IL1RAPL2: variants seen among roughly 807,000 people sequenced by gnomAD.
IL1RAPL2 encodes X-linked interleukin-1 receptor accessory protein-like 2.
Under a neutral mutation model 44.1 loss-of-function variants are expected in IL1RAPL2, and 3 were observed. The ratio of observed to expected loss-of-function variants is 0.07; its 90% confidence interval spans 0.03 to 0.18. The LOEUF (loss-of-function observed/expected upper bound fraction) is 0.18. Ranked by LOEUF, IL1RAPL2 falls within the 10% of genes least tolerant of loss-of-function variation. The pLI is 1.00. For missense variants in IL1RAPL2, 391 were observed against 496.4 expected, an observed-to-expected ratio of 0.79 and a Z score of 2.02; for synonymous variants, 181 against 178.8, an observed-to-expected ratio of 1.01 and a Z score of -0.10.
chrX:105,663,322 C>T (rs2147848457), intron 6 of IL1RAPL2, among the ~76,000 whole-genome samples: 1 of 111,887 alleles, frequency 8.9e-6, no homozygotes, highest in South Asian at 3.7e-4. Flanking sequence ...AAATTAAAGA[C>T]ACTGTATCAA....
chrX:104,726,884 C>G (rs1297899619), intron 2 of IL1RAPL2, among the ~76,000 whole-genome samples: 1 of 109,780 alleles, frequency 9.1e-6, no homozygotes, highest in Non-Finnish European at 1.9e-5. Context: ...ACTGTTTTGG[C>G]TATTAGGGCT....
chrX:105,660,714 TA>T (rs1279090411), intron 6 of IL1RAPL2, among the ~76,000 whole-genome samples: 6 of 111,227 alleles, frequency 5.4e-5, no homozygotes, highest in Admixed American at 1.9e-4. Context: ...TTATCAGTTT[TA>T]AATAACAGGG....
At chrX:104,697,382 G>C (rs1931199502) in intron 2 of IL1RAPL2, among the ~76,000 whole-genome samples, 1 of 112,364 alleles carries the variant, frequency 8.9e-6, no homozygotes, top group Non-Finnish European at 1.9e-5. Flanking sequence ...TATTCTTCAT[G>C]GTCTGTTGAA....
At position 105,243,751 on chromosome X, in the gene IL1RAPL2, A is replaced by T. The variant is rs929108154; in HGVS notation, c.543+9747A>T. 2.7e-5 allele frequency among the ~76,000 whole-genome samples: 3 copies of T among 109,731 alleles called. No individual in the cohort carries two copies. The Admixed American group carries it at 2.9e-4, about 11-fold the overall frequency. ...GGTAATGGGTGGAGCCCACTAAAGA[A>T]TAGGGCCAACAAAGCATGCATTGTA... On this transcript the variant is annotated intron_variant, in intron 4 of 10. Transcript: ENST00000372582.
intron 8 of IL1RAPL2, among the ~76,000 whole-genome samples, chrX:105,746,914 A>C (rs1312295116): frequency 8.9e-6 from 1 of 112,066 alleles, no homozygotes; most frequent in Non-Finnish European, 1.9e-5. Context: ...CTTTTGAATC[A>C]AGTCAATTAA....
At chrX:105,104,597 A>G (rs913921401) in intron 2 of IL1RAPL2, among the ~76,000 whole-genome samples, 3 of 111,791 alleles carry the variant, frequency 2.7e-5, no homozygotes, top group South Asian at 3.8e-4. Flanking sequence ...CAATGGTGCT[A>G]GGGGACCAGA....
intron 3 of IL1RAPL2, among the ~76,000 whole-genome samples, chrX:105,215,069 A>C (rs2033842615): frequency 8.9e-6 from 1 of 112,184 alleles, no homozygotes; most frequent in Non-Finnish European, 1.9e-5. Flanking sequence ...AGCAAGAGCA[A>C]ACAAATTCAA....
chrX:104,788,633 T>C (rs952902650), intron 2 of IL1RAPL2, among the ~76,000 whole-genome samples: 4 of 111,888 alleles, frequency 3.6e-5, no homozygotes, highest in Non-Finnish European at 7.5e-5. Context: ...TATTTGAAGT[T>C]TCTGATATAT....
intron 1 of IL1RAPL2, among the ~76,000 whole-genome samples, chrX:104,593,731 T>G (rs1256349147): frequency 8.9e-6 from 1 of 112,185 alleles, no homozygotes; most frequent in Admixed American, 9.5e-5. Flanking sequence ...AATTGAAATT[T>G]TCTTAGTTTA....
At chrX:104,800,045 A>G (rs868821302) in intron 2 of IL1RAPL2, among the ~76,000 whole-genome samples, 1 of 98,717 alleles carries the variant, frequency 1.0e-5, no homozygotes, top group South Asian at 4.7e-4. Context: ...GCTTATAGCC[A>G]CCCCCACCAC....
rs778835774 is a variant in IL1RAPL2 at position 105,245,028 on chromosome X, C to G, written c.543+11024C>G. 2.6e-3 allele frequency among the ~76,000 whole-genome samples: 294 copies of G among 111,701 alleles called. 1 individual carries two copies. The highest frequency in any genetic ancestry group is 8.9e-3 in the African/African-American group (273 of 30,789). On this transcript the variant is annotated intron_variant, in intron 4 of 10. Coordinates refer to ENST00000372582, the MANE Select transcript of IL1RAPL2 (RefSeq NM_017416.2). ...AGTATGCTATGGCCTGTTTACACCA[C>G]CACTTGTTATACTTGAAGATGTACA...
intron 5 of IL1RAPL2, among the ~76,000 whole-genome samples, chrX:105,421,180 C>T (rs889461377): frequency 9.0e-6 from 1 of 111,286 alleles, no homozygotes; most frequent in Non-Finnish European, 1.9e-5. Flanking sequence ...TGGGGGACAA[C>T]TAGAAGCAAA....
chrX:104,927,455 T>G (rs1333455378), intron 2 of IL1RAPL2, among the ~76,000 whole-genome samples: 1 of 111,850 alleles, frequency 8.9e-6, no homozygotes, highest in Non-Finnish European at 1.9e-5. Context: ...TGTCCAGTAT[T>G]TCATATGCAT....
At chrX:105,603,112 C>T (rs745532952) in intron 6 of IL1RAPL2, among the ~76,000 whole-genome samples, 5 of 109,636 alleles carry the variant, frequency 4.6e-5, no homozygotes, top group Non-Finnish European at 9.5e-5. Flanking sequence ...AAGAAAGGAA[C>T]GAAAGAAATG....
At chrX:105,221,909 G>T (rs2033968744) in intron 3 of IL1RAPL2, among the ~76,000 whole-genome samples, 1 of 111,724 alleles carries the variant, frequency 9.0e-6, no homozygotes, top group African/African-American at 3.3e-5. Flanking sequence ...TCTTGTTGCT[G>T]TGACCTCAGA....
chrX:105,065,175 G>A (rs2032122180), intron 2 of IL1RAPL2, among the ~76,000 whole-genome samples: 1 of 111,700 alleles, frequency 9.0e-6, no homozygotes, highest in African/African-American at 3.3e-5. Context: ...GAAGAGTATT[G>A]AGTCAAATTT....
At chrX:104,813,570 C>G (rs955602899) in intron 2 of IL1RAPL2, among the ~76,000 whole-genome samples, 1 of 111,231 alleles carries the variant, frequency 9.0e-6, no homozygotes, top group Non-Finnish European at 1.9e-5. Context: ...TGCTATATGC[C>G]GAGTTTTTTG....
At chrX:105,711,968 CA>C (rs774000168) in intron 6 of IL1RAPL2, among the ~76,000 whole-genome samples, 120 of 112,250 alleles carry the variant, frequency 1.1e-3, no homozygotes, top group African/African-American at 3.7e-3. Context: ...AACCCTTTGG[CA>C]GCCCTAACCC....
intron 5 of IL1RAPL2, among the ~76,000 whole-genome samples, chrX:105,276,480 G>A (rs778948875): frequency 2.7e-5 from 3 of 112,392 alleles, no homozygotes; most frequent in Non-Finnish European, 1.9e-5. Context: ...AGTGTGAGGT[G>A]GACCAGGTGT....
Sources: gnomAD v4.1 joint callset for allele counts (sites outside exome capture counted in the v4.1 genomes callset) on GRCh38, gnomAD v4.1.1 for gene constraint, MANE v1.5 for transcripts, NCBI Gene and HGNC (gene_info 2026-07-23, HGNC 2026-07-21) for gene names.